BMPR1A: variants seen among roughly 807,000 people sequenced by gnomAD.
BMPR1A encodes the protein bone morphogenetic protein receptor type-1A.
A neutral mutation model predicts 66.0 loss-of-function variants in BMPR1A; 7 were observed. The ratio of observed to expected loss-of-function variants is 0.11; its 90% CI spans 0.06 to 0.20. The LOEUF (loss-of-function observed/expected upper bound fraction) is 0.20. BMPR1A is among the 10% of genes least tolerant of loss of function. The probability of loss-of-function intolerance (pLI) is 1.00; values close to 1 mark genes in which losing one functional copy is unlikely to be tolerated. For synonymous variants in BMPR1A, 200 were observed against 229.7 expected, an observed-to-expected ratio of 0.87 and a Z score of 1.17; for missense variants, 408 against 669.1, an observed-to-expected ratio of 0.61 and a Z score of 4.31.
chr10:86,824,081 T>TTGTGTG (rs71477609), intron 1 of BMPR1A, among the ~76,000 whole-genome samples: 163 of 94,128 alleles, frequency 1.7e-3, no homozygotes, highest in East Asian at 0.013. Flanking sequence ...TTACCAAGGG[T>TTGTGTG]TGTGTGTGTG....
At chr10:86,811,933 T>C (rs1160048356) in intron 1 of BMPR1A, among the ~76,000 whole-genome samples, 3 of 151,980 alleles carry the variant, frequency 2.0e-5, no homozygotes, top group Non-Finnish European at 4.4e-5. Flanking sequence ...TTAGAAAAAT[T>C]AGCCAGGCGT....
intron 1 of BMPR1A, among the ~76,000 whole-genome samples, chr10:86,794,422 T>C (rs1564687281): frequency 6.6e-6 from 1 of 152,134 alleles, no homozygotes; most frequent in Non-Finnish European, 1.5e-5. Context: ...AGTAATAGTT[T>C]AGGGTTCTAG....
chr10:86,791,064 T>A (rs1328104554), intron 1 of BMPR1A, among the ~76,000 whole-genome samples: 1 of 152,238 alleles, frequency 6.6e-6, no homozygotes, highest in Admixed American at 6.5e-5. Context: ...ATGTGTTAGC[T>A]ACTAAATCAT....
intron 3 of BMPR1A, among the ~76,000 whole-genome samples, chr10:86,882,707 A>G (rs982977688): frequency 4.0e-5 from 6 of 151,090 alleles, no homozygotes; most frequent in African/African-American, 1.2e-4. Flanking sequence ...TGTCATGTCT[A>G]TAATCCCAGC....
At chr10:86,774,359 A>G (rs537687795) in intron 1 of BMPR1A, among the ~76,000 whole-genome samples, 1 of 152,236 alleles carries the variant, frequency 6.6e-6, no homozygotes, top group South Asian at 2.1e-4. Flanking sequence ...CTTTTTGTCA[A>G]TATTCAAGGA....
intron 1 of BMPR1A, 116 bp downstream of exon 1, chr10:86,757,035 C>G (rs1847882482): frequency 6.6e-6 from 1 of 150,558 alleles, no homozygotes; most frequent in African/African-American, 2.4e-5. Context: ...CAGGGGCTGC[C>G]CGGCCCGGCC....
At chr10:86,808,808 G>A (rs6586039) in intron 1 of BMPR1A, among the ~76,000 whole-genome samples, 11,822 of 152,152 alleles carry the variant, frequency 0.078, 893 homozygotes, top group African/African-American at 0.19. Flanking sequence ...AACTTTGTCT[G>A]GTTTTCAGTT....
At chr10:86,897,629 CA>C (rs1843243355) in intron 5 of BMPR1A, among the ~76,000 whole-genome samples, 1 of 152,066 alleles carries the variant, frequency 6.6e-6, no homozygotes, top group Non-Finnish European at 1.5e-5. Context: ...TTTTTAAAGA[CA>C]GGGTATTGCT....
Position 86,923,727 on chromosome 10 carries a change from A to G in BMPR1A, c.*8A>G. On this transcript the variant is annotated 3_prime_UTR_variant, in exon 13 of 13. Transcript: ENST00000372037. ...CAAGATGTAAAAATCTGATGGTTAA[A>G]CCATCGGAGGAGAAACTCTAGACTG... 2 of 1,612,986 alleles carry G rather than the reference A, an allele frequency of 1.2e-6. No homozygotes were observed. Among genetic ancestry groups the G allele is most frequent in the Non-Finnish European group, 1.7e-6 (2 of 1,180,018 alleles).
intron 8 of BMPR1A, 26 bp downstream of exon 8, chr10:86,912,410 G>A (rs2133546638): frequency 6.2e-7 from 1 of 1,613,300 alleles, no homozygotes; most frequent in Non-Finnish European, 8.5e-7. Flanking sequence ...CTATAGACAT[G>A]AATGGTGTGT....
chr10:86,920,012 T>TGATGTAGATGTAATGAA (rs1843639070), intron 10 of BMPR1A, among the ~76,000 whole-genome samples: 1 of 152,220 alleles, frequency 6.6e-6, no homozygotes, highest in South Asian at 2.1e-4. Context: ...CCATTTCAGC[T>TGATGTAGATGTAATGAA]GATGTAAATC....
intron 8 of BMPR1A, 112 bp from the exon 9 acceptor site, chr10:86,917,020 TTA>T: frequency 8.5e-7 from 1 of 1,171,144 alleles, no homozygotes; most frequent in Admixed American, 2.0e-5. Flanking sequence ...TTATAAGTTT[TTA>T]ACTGGAGTTG....
chr10:86,826,589 A>G (rs1190380033), intron 1 of BMPR1A, among the ~76,000 whole-genome samples: 1 of 152,188 alleles, frequency 6.6e-6, no homozygotes, highest in African/African-American at 2.4e-5. Context: ...TTTGCTGGTT[A>G]TATTTCATGC....
At chr10:86,922,193 T>C (rs1589292943) in intron 11 of BMPR1A, among the ~76,000 whole-genome samples, 1 of 152,214 alleles carries the variant, frequency 6.6e-6, no homozygotes, top group South Asian at 2.1e-4. Flanking sequence ...CTTAACGTTA[T>C]GACATCCAGT....
intron 1 of BMPR1A, among the ~76,000 whole-genome samples, chr10:86,765,650 A>G (rs536813516): frequency 9.0e-4 from 137 of 152,280 alleles, no homozygotes; most frequent in Non-Finnish European, 1.5e-3. Context: ...ATATGCTAAT[A>G]CACATGGTGA....
chr10:86,832,029 T>C (rs1369842409), intron 1 of BMPR1A, among the ~76,000 whole-genome samples: 1 of 152,170 alleles, frequency 6.6e-6, no homozygotes, highest in Non-Finnish European at 1.5e-5. Flanking sequence ...CTGTGATAAG[T>C]GCACAATGTG....
At chr10:86,773,224 T>C (rs1281886643) in intron 1 of BMPR1A, among the ~76,000 whole-genome samples, 1 of 151,848 alleles carries the variant, frequency 6.6e-6, no homozygotes, top group Non-Finnish European at 1.5e-5. Flanking sequence ...ACATTTGATA[T>C]GTTCTTCAGT....
intron 2 of BMPR1A, among the ~76,000 whole-genome samples, chr10:86,872,625 C>G (rs1842866672): frequency 6.6e-6 from 1 of 151,322 alleles, no homozygotes; most frequent in Non-Finnish European, 1.5e-5. Context: ...TATATGAGTT[C>G]CTTAAGTTTA....
At chr10:86,771,796 C>G (rs1841266478) in intron 1 of BMPR1A, among the ~76,000 whole-genome samples, 1 of 152,136 alleles carries the variant, frequency 6.6e-6, no homozygotes, top group Non-Finnish European at 1.5e-5. Flanking sequence ...CTCACGCATT[C>G]CATTCCCCAG....
Sources: gnomAD v4.1 joint callset for allele counts (sites outside exome capture counted in the v4.1 genomes callset) on GRCh38, gnomAD v4.1.1 for gene constraint, MANE v1.5 for transcripts, NCBI Gene and HGNC (gene_info 2026-07-23, HGNC 2026-07-21) for gene names.